RALGPS1: variants seen among roughly 807,000 people sequenced by gnomAD.
The protein encoded by RALGPS1 is Ral GEF with PH domain and SH3 binding motif 1.
Under a neutral mutation model 78.8 loss-of-function variants are expected in RALGPS1, and 19 were observed. The ratio of observed to expected loss-of-function variants is 0.24; its 90% CI spans 0.17 to 0.35. The LOEUF is 0.35. Among genes scored for constraint, RALGPS1 ranks in the 10% least tolerant of loss-of-function variants. RALGPS1 has a pLI of 1.00. For synonymous variants in RALGPS1, 228 were observed against 256.3 expected (o/e 0.89, Z 1.06); for missense variants, 454 against 688.3 (o/e 0.66, Z 3.81).
chr9:126,916,655 A>ACC (rs1368154115), intron 1 of RALGPS1, among the ~76,000 whole-genome samples: 1 of 152,108 alleles, frequency 6.6e-6, no homozygotes, highest in Non-Finnish European at 1.5e-5. Flanking sequence ...GGTGGCGGGC[A>ACC]CCTGTAATCT....
Position 126,939,929 on chromosome 9 carries a change from G to A in RALGPS1, c.-65-22296G>A, listed in dbSNP as rs73587376. Reference sequence around the variant, plus strand: ...CTAGGTAGAGTCCTCTGCGATCAAAGTCACTTCCTGCTCACCTAAGGGATA... The same window carrying A: ...CTAGGTAGAGTCCTCTGCGATCAAAATCACTTCCTGCTCACCTAAGGGATA... On this transcript the variant is annotated intron_variant, in intron 1 of 18. Coordinates refer to ENST00000259351, the MANE Select transcript of RALGPS1 (RefSeq NM_014636.3). Among the ~76,000 whole-genome samples the A allele has an allele frequency of 2.8e-3, 419 of 152,360 alleles. 2 individuals are homozygous for A. The highest frequency in any genetic ancestry group is 9.6e-3 in the African/African-American group (399 of 41,584).
At chr9:127,041,898 A>G (rs1341790395) in intron 5 of RALGPS1, among the ~76,000 whole-genome samples, 1 of 152,206 alleles carries the variant, frequency 6.6e-6, no homozygotes, top group Non-Finnish European at 1.5e-5. Context: ...GAAGTTTCTT[A>G]ACCATGAAGG....
rs531783510 is a variant in RALGPS1, at chr9:127,189,168, A to G, written c.911-5923A>G. ...GAGGTTACTTTCTTTTTCTGTCACCACAGATCAGATTCCCTCACCACAAGC... is the reference window on the plus strand; with the variant it reads ...GAGGTTACTTTCTTTTTCTGTCACCGCAGATCAGATTCCCTCACCACAAGC... On this transcript the variant is annotated intron_variant, in intron 11 of 18. Coordinates refer to ENST00000259351, the MANE Select transcript of RALGPS1 (RefSeq NM_014636.3). Among the ~76,000 whole-genome samples, 8 of 152,218 alleles carry G rather than the reference A, an allele frequency of 5.3e-5. No homozygotes were observed. In the East Asian group the frequency reaches 1.6e-3, roughly 29 times the overall value.
At chr9:127,078,950 T>C (rs756441969) in intron 8 of RALGPS1, among the ~76,000 whole-genome samples, 1 of 152,230 alleles carries the variant, frequency 6.6e-6, no homozygotes, top group Non-Finnish European at 1.5e-5. Flanking sequence ...AGGCATTATT[T>C]TTGTCTTATT....
intron 8 of RALGPS1, among the ~76,000 whole-genome samples, chr9:127,113,659 A>T (rs1311241289): frequency 2.0e-5 from 3 of 152,172 alleles, no homozygotes; most frequent in Non-Finnish European, 4.4e-5. Context: ...GATTCTTAAA[A>T]TTGCTTTTCC....
intron 8 of RALGPS1, chr9:127,108,232 G>A (rs2137095739): frequency 1.2e-6 from 2 of 1,614,042 alleles, no homozygotes; most frequent in East Asian, 2.2e-5. Flanking sequence ...CAGCATGTCG[G>A]CTGTCTGGTT....
At chr9:127,161,671 A>C (rs2059027048) in intron 8 of RALGPS1, among the ~76,000 whole-genome samples, 1 of 152,040 alleles carries the variant, frequency 6.6e-6, no homozygotes, top group African/African-American at 2.4e-5. Context: ...CCTTTTGGAG[A>C]GTGTTGACCC....
At position 127,029,084 on chromosome 9, in the gene RALGPS1, G is replaced by A. The variant is rs1362762158; in HGVS notation, c.217-5347G>A. Among the ~76,000 whole-genome samples, 3 of 152,126 alleles carry A rather than the reference G, an allele frequency of 2.0e-5. 1 individual carries two copies. The South Asian group carries it at 6.2e-4, about 32-fold the overall frequency. ...ATCATGCACCTTTGCTACTGCCACAGCAGTCAGTATATATGGTCTCCTGGG... is the reference window on the plus strand; with the variant it reads ...ATCATGCACCTTTGCTACTGCCACAACAGTCAGTATATATGGTCTCCTGGG... On this transcript the variant is annotated intron_variant, in intron 4 of 18. Transcript: ENST00000259351.
chr9:127,115,175 T>TA (rs1205696698), intron 8 of RALGPS1, among the ~76,000 whole-genome samples: 2 of 151,886 alleles, frequency 1.3e-5, no homozygotes, highest in Non-Finnish European at 2.9e-5. Context: ...TCTGTTGTCT[T>TA]ACGTAATTAT....
At chr9:127,179,118 G>A (rs942521507) in intron 11 of RALGPS1, among the ~76,000 whole-genome samples, 1 of 152,218 alleles carries the variant, frequency 6.6e-6, no homozygotes, top group African/African-American at 2.4e-5. Flanking sequence ...TGCTGATGCT[G>A]GCAGTTTTCC....
intron 8 of RALGPS1, among the ~76,000 whole-genome samples, chr9:127,161,314 T>G (rs2059005220): frequency 6.6e-6 from 1 of 152,194 alleles, no homozygotes; most frequent in African/African-American, 2.4e-5. Flanking sequence ...TCTTATGCAC[T>G]TCAATGGTCC....
intron 1 of RALGPS1, among the ~76,000 whole-genome samples, chr9:126,920,255 C>T (rs2034618669): frequency 6.6e-6 from 1 of 152,082 alleles, no homozygotes; most frequent in East Asian, 1.9e-4. Flanking sequence ...TCTGGTGAAA[C>T]CCATTCTCTG....
At chr9:127,146,648 A>ATTC (rs2058112859) in intron 8 of RALGPS1, among the ~76,000 whole-genome samples, 1 of 150,014 alleles carries the variant, frequency 6.7e-6, no homozygotes, top group Admixed American at 6.7e-5. Flanking sequence ...GATTCAAGTG[A>ATTC]TTCTTGTGCC....
intron 11 of RALGPS1, among the ~76,000 whole-genome samples, chr9:127,184,763 C>G (rs1197151885): frequency 3.3e-5 from 5 of 152,240 alleles, no homozygotes; most frequent in Non-Finnish European, 5.9e-5. Flanking sequence ...CTGTGAGCTC[C>G]CAGCTCAGCG....
At chr9:127,129,523 T>G (rs1470754673) in intron 8 of RALGPS1, among the ~76,000 whole-genome samples, 1 of 152,142 alleles carries the variant, frequency 6.6e-6, no homozygotes, top group Non-Finnish European at 1.5e-5. Context: ...CTGACCTTGT[T>G]TATCTTTCCT....
intron 9 of RALGPS1, among the ~76,000 whole-genome samples, chr9:127,166,696 A>T (rs891744957): frequency 1.3e-5 from 2 of 152,196 alleles, no homozygotes; most frequent in African/African-American, 2.4e-5. Flanking sequence ...CAAGCAGTGC[A>T]GGCCACTTTT....
chr9:126,969,833 G>A (rs2039924960), intron 3 of RALGPS1, among the ~76,000 whole-genome samples: 1 of 152,202 alleles, frequency 6.6e-6, no homozygotes, highest in Non-Finnish European at 1.5e-5. Context: ...AGGCTGGGAA[G>A]ACTGTAGGGA....
intron 8 of RALGPS1, among the ~76,000 whole-genome samples, chr9:127,142,347 C>T (rs1420394574): frequency 3.3e-5 from 5 of 152,152 alleles, no homozygotes; most frequent in African/African-American, 9.7e-5. Context: ...GAGTGCCACA[C>T]TATGCTGCGA....
At chr9:127,004,297 C>T (rs1410705003) in intron 4 of RALGPS1, among the ~76,000 whole-genome samples, 4 of 152,186 alleles carry the variant, frequency 2.6e-5, no homozygotes, top group Admixed American at 6.5e-5. Flanking sequence ...AGGCACCCGC[C>T]ACCACACCCG....
Sources: gnomAD v4.1 joint callset for allele counts (sites outside exome capture counted in the v4.1 genomes callset) on GRCh38, gnomAD v4.1.1 for gene constraint, MANE v1.5 for transcripts, NCBI Gene and HGNC (gene_info 2026-07-23, HGNC 2026-07-21) for gene names.